DOCK1: variants seen among roughly 807,000 people sequenced by gnomAD.
DOCK1 encodes dedicator of cytokinesis protein 1.
A neutral mutation model predicts 262.7 loss-of-function variants in DOCK1; 138 were observed. That is an observed-to-expected ratio of 0.53 (90% CI 0.46 to 0.61). DOCK1 has a LOEUF of 0.61. DOCK1 is among the 20% of genes least tolerant of loss of function. The pLI, the probability that DOCK1 is intolerant of heterozygous loss-of-function variation, is 0.00. For synonymous variants in DOCK1, 866 were observed against 867.4 expected, an observed-to-expected ratio of 1.00 and a Z score of 0.03; for missense variants, 1,908 against 2,370.7, an observed-to-expected ratio of 0.80 and a Z score of 4.05.
intron 25 of DOCK1, among the ~76,000 whole-genome samples, chr10:127,113,990 C>G (rs1380054919): frequency 2.0e-5 from 3 of 152,170 alleles, no homozygotes; most frequent in Admixed American, 2.0e-4. Flanking sequence ...GTGGTGCAGT[C>G]ATTTGGCATT....
chr10:127,162,550 G>T (rs1413593), intron 27 of DOCK1, among the ~76,000 whole-genome samples: 47,437 of 151,928 alleles, frequency 0.31, 7,859 homozygotes, highest in African/African-American at 0.41. Flanking sequence ...TTTTTTCCAT[G>T]GTAGGGCAAA....
intron 1 of DOCK1, among the ~76,000 whole-genome samples, chr10:126,949,084 C>T (rs949207613): frequency 6.6e-5 from 10 of 152,084 alleles, no homozygotes; most frequent in Admixed American, 4.6e-4. Context: ...GAGTGGTGCA[C>T]GTTCTGCTGG....
chr10:127,245,435 T>C (rs1037071726), intron 27 of DOCK1, among the ~76,000 whole-genome samples: 2 of 152,224 alleles, frequency 1.3e-5, no homozygotes, highest in Non-Finnish European at 2.9e-5. Context: ...CTTCTGGGCC[T>C]CCTGTAATTA....
At chr10:127,157,097 T>C (rs140699331) in intron 27 of DOCK1, among the ~76,000 whole-genome samples, 1 of 152,324 alleles carries the variant, frequency 6.6e-6, no homozygotes, top group East Asian at 1.9e-4. Context: ...AATGCATAAA[T>C]GAGCGAACGG....
At chr10:127,161,167 G>C (rs1373193146) in intron 27 of DOCK1, among the ~76,000 whole-genome samples, 1 of 152,198 alleles carries the variant, frequency 6.6e-6, no homozygotes, top group Non-Finnish European at 1.5e-5. Context: ...GATGTCAGCT[G>C]TTTACAGCTA....
chr10:127,079,824 G>A (rs531254272), intron 23 of DOCK1, among the ~76,000 whole-genome samples: 38 of 152,188 alleles, frequency 2.5e-4, no homozygotes, highest in Middle Eastern at 6.8e-3. Context: ...CCAGCTACTC[G>A]GGAGGCTGAG....
chr10:127,379,177 TCTGGTGGCTC>T (rs1251666561), intron 35 of DOCK1, among the ~76,000 whole-genome samples: 1 of 152,222 alleles, frequency 6.6e-6, no homozygotes, highest in African/African-American at 2.4e-5. Flanking sequence ...TCTGTGCCTC[TCTGGTGGCTC>T]CTGTGTGAAA....
chr10:127,244,215 A>G (rs1051104255), intron 27 of DOCK1, among the ~76,000 whole-genome samples: 2 of 151,934 alleles, frequency 1.3e-5, no homozygotes, highest in Admixed American at 1.3e-4. Flanking sequence ...AACGTTTGGG[A>G]CATATTTATT....
At chr10:127,432,004 G>A (rs958605061) in intron 47 of DOCK1, among the ~76,000 whole-genome samples, 5 of 152,158 alleles carry the variant, frequency 3.3e-5, no homozygotes, top group Non-Finnish European at 5.9e-5. Context: ...GCATGAACTC[G>A]ATTGTAAACT....
At chr10:126,977,844 C>T in intron 2 of DOCK1, 104 bp from the exon 3 acceptor site, 1 of 1,094,626 alleles carries the variant, frequency 9.1e-7, no homozygotes, top group Admixed American at 1.8e-5. Flanking sequence ...GACAAACTGA[C>T]CTCACTGGTT....
At chr10:127,346,646 G>A (rs2063647329) in intron 31 of DOCK1, among the ~76,000 whole-genome samples, 1 of 152,186 alleles carries the variant, frequency 6.6e-6, no homozygotes, top group Non-Finnish European at 1.5e-5. Context: ...AAGGGCCTTG[G>A]CTACTAAAGA....
At chr10:127,195,359 G>T (rs2057036392) in intron 27 of DOCK1, among the ~76,000 whole-genome samples, 1 of 152,192 alleles carries the variant, frequency 6.6e-6, no homozygotes, top group African/African-American at 2.4e-5. Context: ...GACTCGGGCT[G>T]CCAGGCACCG....
chr10:126,934,254 C>CA (rs1259917782), intron 1 of DOCK1, among the ~76,000 whole-genome samples: 10 of 152,106 alleles, frequency 6.6e-5, no homozygotes, highest in African/African-American at 2.4e-4. Flanking sequence ...ATTACCAAAA[C>CA]AAAACAGCCT....
At chr10:127,257,924 C>G (rs2059884372) in intron 29 of DOCK1, 1 of 152,338 alleles carries the variant, frequency 6.6e-6, no homozygotes, top group South Asian at 2.1e-4. Flanking sequence ...TTTTCTAGCA[C>G]ATTGGGTTTT....
At chr10:127,155,468 A>G (rs1416038242) in intron 27 of DOCK1, among the ~76,000 whole-genome samples, 2 of 152,120 alleles carry the variant, frequency 1.3e-5, no homozygotes, top group Admixed American at 6.5e-5. Context: ...TCGTCTTTCC[A>G]TCATCACCTC....
rs2058197638 is a variant in DOCK1 at position 127,216,106 on chromosome 10, A to G, written c.2848-31902A>G. 2.0e-5 allele frequency among the ~76,000 whole-genome samples: 3 copies of G among 152,260 alleles called. No homozygotes were observed. In the South Asian group the frequency reaches 6.2e-4, roughly 32 times the overall value. The stretch of plus-strand genomic sequence containing the variant: ...GAGTGTAATAGAATCCCTGATCCCC[A>G]GGAGGTAGGGAAGGGGCTGACAATG... On this transcript the variant is annotated intron_variant, in intron 27 of 51. Transcript: ENST00000623213.
intron 29 of DOCK1, among the ~76,000 whole-genome samples, chr10:127,313,325 C>G (rs1405368412): frequency 6.6e-6 from 1 of 152,110 alleles, no homozygotes; most frequent in Admixed American, 6.5e-5. Context: ...CATCCCAGGA[C>G]AAGCTCACGA....
chr10:127,223,916 G>C (rs2058536545), intron 27 of DOCK1, among the ~76,000 whole-genome samples: 1 of 152,170 alleles, frequency 6.6e-6, no homozygotes, highest in African/African-American at 2.4e-5. Context: ...CAAGGGACAG[G>C]ATCAGGGGAA....
intron 27 of DOCK1, among the ~76,000 whole-genome samples, chr10:127,166,902 G>A (rs1056406627): frequency 2.0e-5 from 3 of 151,764 alleles, no homozygotes; most frequent in Admixed American, 2.0e-4. Flanking sequence ...CGGTGGTGAG[G>A]CTTTTATTCA....
Sources: gnomAD v4.1 joint callset for allele counts (sites outside exome capture counted in the v4.1 genomes callset) on GRCh38, gnomAD v4.1.1 for gene constraint, MANE v1.5 for transcripts, NCBI Gene and HGNC (gene_info 2026-07-23, HGNC 2026-07-21) for gene names.